The following WWP1 variants were observed in gnomAD, a reference collection of about 807,000 sequenced individuals.
WWP1 encodes the protein WW domain containing E3 ubiquitin protein ligase 1.
A neutral mutation model predicts 130.6 loss-of-function variants in WWP1; 49 were observed. That is an observed-to-expected ratio of 0.38 (90% CI 0.30 to 0.48). The LOEUF (loss-of-function observed/expected upper bound fraction) is 0.48, where lower values mean the gene tolerates loss of function less well. Ranked by LOEUF, WWP1 falls within the 20% of genes least tolerant of loss-of-function variation. The probability of loss-of-function intolerance (pLI) is 0.99; values close to 1 mark genes in which losing one functional copy is unlikely to be tolerated. For missense variants in WWP1, 809 were observed against 1,100.6 expected (o/e 0.74, Z 3.75); for synonymous variants, 332 against 367.8 (o/e 0.90, Z 1.11).
At chr8:86,356,954 T>G (rs1823295328) in intron 1 of WWP1, among the ~76,000 whole-genome samples, 1 of 152,210 alleles carries the variant, frequency 6.6e-6, no homozygotes, top group Admixed American at 6.5e-5. Context: ...TTCGTCTAGT[T>G]TGTAATGGAT....
At chr8:86,452,424 A>G in intron 20 of WWP1, 135 bp from the exon 21 acceptor site, 1 of 724,110 alleles carries the variant, frequency 1.4e-6, no homozygotes, top group Non-Finnish European at 2.2e-6. Context: ...ATACATATAC[A>G]CACACATCAC....
intron 5 of WWP1, among the ~76,000 whole-genome samples, chr8:86,387,481 A>G (rs1825349881): frequency 6.6e-6 from 1 of 151,846 alleles, no homozygotes; most frequent in Admixed American, 6.6e-5. Flanking sequence ...ACATTCATAT[A>G]TGTATATTTA....
intron 18 of WWP1, among the ~76,000 whole-genome samples, chr8:86,447,090 G>A (rs1485598594): frequency 6.6e-6 from 1 of 152,132 alleles, no homozygotes; most frequent in Non-Finnish European, 1.5e-5. Flanking sequence ...TGATTACCAG[G>A]AAACAGACCA....
chr8:86,465,440 T>C (rs1249162207), intron 24 of WWP1, among the ~76,000 whole-genome samples: 1 of 151,958 alleles, frequency 6.6e-6, no homozygotes, highest in African/African-American at 2.4e-5. Flanking sequence ...CTGGGCAACA[T>C]GACAAAACTT....
intron 1 of WWP1, among the ~76,000 whole-genome samples, chr8:86,367,267 A>G (rs62509421): frequency 0.32 from 48,042 of 152,082 alleles, 9,174 homozygotes; most frequent in Middle Eastern, 0.45. Flanking sequence ...TAGGCAGCCA[A>G]TAAGTATGTT....
At chr8:86,364,524 A>G (rs1342469467) in intron 1 of WWP1, among the ~76,000 whole-genome samples, 1 of 152,150 alleles carries the variant, frequency 6.6e-6, no homozygotes, top group Admixed American at 6.5e-5. Flanking sequence ...ATTGTTTGAG[A>G]GGAATAAATC....
At chr8:86,345,576 A>C (rs1000567434) in intron 1 of WWP1, among the ~76,000 whole-genome samples, 1 of 151,684 alleles carries the variant, frequency 6.6e-6, no homozygotes, top group Admixed American at 6.6e-5. Flanking sequence ...CACCCGGCTA[A>C]TTTTTGTATT....
chr8:86,370,400 T>C (rs1412856376), intron 2 of WWP1, among the ~76,000 whole-genome samples: 1 of 152,180 alleles, frequency 6.6e-6, no homozygotes, highest in Admixed American at 6.5e-5. Context: ...CAAGTAAACA[T>C]TTCTGTACAC....
chr8:86,441,173 G>A (rs1379783053), intron 17 of WWP1, among the ~76,000 whole-genome samples: 8 of 152,168 alleles, frequency 5.3e-5, no homozygotes, highest in African/African-American at 1.9e-4. Context: ...ATTATCTGAA[G>A]CATCTGGAGG....
chr8:86,435,830 C>A, intron 16 of WWP1, 126 bp downstream of exon 16: 1 of 864,188 alleles, frequency 1.2e-6, no homozygotes, highest in Non-Finnish European at 1.8e-6. Context: ...TGACTGCCAC[C>A]ACCACTTGTT....
intron 10 of WWP1, among the ~76,000 whole-genome samples, chr8:86,425,591 G>A (rs186208214): frequency 2.6e-5 from 4 of 152,180 alleles, no homozygotes; most frequent in Admixed American, 6.5e-5. Flanking sequence ...AGGAAAGAAA[G>A]GTAGTATTTA....
At chr8:86,423,063 A>ATTTTT (rs200170387) in intron 9 of WWP1, among the ~76,000 whole-genome samples, 1 of 140,598 alleles carries the variant, frequency 7.1e-6, no homozygotes, top group African/African-American at 2.6e-5. Context: ...AGGTTTCTTC[A>ATTTTT]TTTTTTTTTT....
Position 86,461,221 on chromosome 8 carries a change from C to T in WWP1, c.2500-3C>T, listed in dbSNP as rs1811751834. 1.2e-6 allele frequency: 2 copies of T among 1,611,748 alleles called. No individual in the cohort carries two copies. The highest frequency in any genetic ancestry group is 8.5e-7 in the Non-Finnish European group (1 of 1,178,164). On this transcript the variant is annotated splice_polypyrimidine_tract_variant and splice_region_variant and intron_variant, in intron 22 of 24. Coordinates refer to ENST00000517970, the MANE Select transcript of WWP1 (RefSeq NM_007013.4). ...TATTAAAGTACATTTAATTTCATTACAGTTTGTGAAAGAGACAGACAATGA... is the reference window on the plus strand; with the variant it reads ...TATTAAAGTACATTTAATTTCATTATAGTTTGTGAAAGAGACAGACAATGA...
intron 5 of WWP1, among the ~76,000 whole-genome samples, chr8:86,388,590 A>G (rs1219625218): frequency 1.3e-5 from 2 of 151,914 alleles, no homozygotes; most frequent in Non-Finnish European, 2.9e-5. Context: ...TCACTGTGTC[A>G]TCTGTTTGGT....
At chr8:86,378,292 A>G (rs896969903) in intron 3 of WWP1, among the ~76,000 whole-genome samples, 44 of 152,154 alleles carry the variant, frequency 2.9e-4, no homozygotes, top group Non-Finnish European at 2.5e-4. Context: ...AAATATTTCA[A>G]TGTTAAACTT....
At position 86,467,912 on chromosome 8, in the gene WWP1, T is replaced by C. The variant is rs914282354; in HGVS notation, c.*1019T>C. On this transcript the variant is annotated 3_prime_UTR_variant, in exon 25 of 25. Transcript: ENST00000517970. The stretch of plus-strand genomic sequence containing the variant: ...AATATCTTCATTCCTCTCAAATTCA[T>C]AACAGTTCTATTTAACTGAATTAAA... The C allele has an allele frequency of 1.3e-5, 2 of 152,894 alleles. No homozygotes were observed. The highest frequency in any genetic ancestry group is 4.8e-5 in the African/African-American group (2 of 41,470). 9.5% of individuals were successfully genotyped at this position (152,894 alleles called of 1,614,324 possible).
intron 5 of WWP1, among the ~76,000 whole-genome samples, chr8:86,382,033 A>G (rs1825012906): frequency 6.6e-6 from 1 of 152,096 alleles, no homozygotes; most frequent in Admixed American, 6.5e-5. Context: ...AGTTTATTGT[A>G]AAAAACATGA....
chr8:86,435,936 C>T (rs940020153), intron 16 of WWP1, among the ~76,000 whole-genome samples: 5 of 152,058 alleles, frequency 3.3e-5, no homozygotes, highest in Non-Finnish European at 4.4e-5. Flanking sequence ...TGGGCTCGAA[C>T]GATCTACCCA....
intron 1 of WWP1, among the ~76,000 whole-genome samples, chr8:86,364,392 A>T (rs1478482185): frequency 6.6e-6 from 1 of 152,192 alleles, no homozygotes; most frequent in Non-Finnish European, 1.5e-5. Context: ...GGTGCTTCAT[A>T]CTCAAAACTG....
Sources: allele counts gnomAD v4.1 joint callset (sites outside exome capture counted in the v4.1 genomes callset), GRCh38; gene constraint gnomAD v4.1.1; transcripts MANE v1.5; gene names NCBI Gene and HGNC (gene_info 2026-07-23, HGNC 2026-07-21).